Variants in RANBP2 observed in about 807,000 individuals in gnomAD.
RANBP2 encodes RAN binding protein 2.
RANBP2 carries 57 observed loss-of-function variants against 303.6 expected under a neutral mutation model. The observed-to-expected ratio is 0.19, with a 90% confidence interval of 0.15 to 0.23. The LOEUF (loss-of-function observed/expected upper bound fraction) is 0.23. Among genes scored for constraint, RANBP2 ranks in the 10% least tolerant of loss-of-function variants. The pLI is 1.00. For synonymous variants in RANBP2, 1,167 were observed against 1,301.5 expected (o/e 0.90, Z 2.23); for missense variants, 3,138 against 3,780.8 (o/e 0.83, Z 4.46).
At chr2:108,958,294 G>A in the RANBP2 span, among the ~76,000 whole-genome samples, 2 of 152,122 alleles carry the variant, frequency 1.3e-5, no homozygotes, top group Non-Finnish European at 2.9e-5. Flanking sequence ...CAAATCAACC[G>A]CAGACTGGCT....
chr2:109,047,071 C>T, the RANBP2 span, among the ~76,000 whole-genome samples: 1 of 142,832 alleles, frequency 7.0e-6, no homozygotes, highest in Non-Finnish European at 1.6e-5. Flanking sequence ...GGGAAGTCCT[C>T]CCACCGAGAA....
At chr2:108,925,192 T>TCCTGGGCTGGGAGGCCCTCC in the RANBP2 span, among the ~76,000 whole-genome samples, 1 of 152,388 alleles carries the variant, frequency 6.6e-6, no homozygotes, top group African/African-American at 2.4e-5. Flanking sequence ...TTCACGTCTC[T>TCCTGGGCTGGGAGGCCCTCC]ATTCCTTGGA....
chr2:109,068,278 C>A, the RANBP2 span, among the ~76,000 whole-genome samples: 148,117 of 152,336 alleles, frequency 0.97, 72,100 homozygotes, highest in Non-Finnish European at 1. Context: ...TGGAGTGATC[C>A]TAACTGGGGG....
chr2:109,629,337 A>G, the RANBP2 span, among the ~76,000 whole-genome samples: 8 of 10,150 alleles, frequency 7.9e-4, no homozygotes, highest in East Asian at 3.0e-3. Context: ...ATATATATAT[A>G]TATATATATA....
In RANBP2 at chr2:108,772,923, G is replaced by A. The variant is rs561203442; in HGVS notation, c.8169G>A (p.Lys2723=). 6 of 1,613,912 alleles carry A rather than the reference G, an allele frequency of 3.7e-6. No individual in the cohort carries two copies. The highest frequency in any genetic ancestry group is 2.7e-5 in the African/African-American group (2 of 74,996). ...VWEKKPTVEE[K]AKADTLKLPP... is the part of the protein sequence containing the mutation. ...AAAAGAAACCAACAGTTGAAGAGAA[G>A]GCAAAAGCAGATACGTTAAAACTTC... Residue 2723 remains lysine, a synonymous_variant, in exon 23 of 29, where the codon AAG becomes AAA. Transcript: ENST00000283195.
the RANBP2 span, among the ~76,000 whole-genome samples, chr2:109,570,997 T>C: frequency 8.5e-5 from 13 of 152,128 alleles, no homozygotes; most frequent in African/African-American, 3.1e-4. Context: ...TGGTGAGAGG[T>C]GACTGGATCA....
At chr2:108,794,568 G>C in the RANBP2 span, 1 of 1,611,452 alleles carries the variant, frequency 6.2e-7, no homozygotes. Flanking sequence ...CGACCTCATC[G>C]AGACCTCGGA....
chr2:109,645,962 T>C, the RANBP2 span, among the ~76,000 whole-genome samples: 1 of 152,154 alleles, frequency 6.6e-6, no homozygotes, highest in Admixed American at 6.5e-5. Context: ...GAAATGCTCA[T>C]GAAAACTTCA....
the RANBP2 span, among the ~76,000 whole-genome samples, chr2:109,107,296 A>T: frequency 6.6e-6 from 1 of 151,576 alleles, no homozygotes; most frequent in Non-Finnish European, 1.5e-5. Context: ...ACGGAAGAGT[A>T]TGACCCACAC....
chr2:109,565,934 G>A, the RANBP2 span: 19 of 1,270,752 alleles, frequency 1.5e-5, 1 homozygote, highest in South Asian at 2.0e-4. Context: ...TTATGTGAGA[G>A]AGAAGAGAAT....
chr2:109,389,006 C>A, the RANBP2 span, among the ~76,000 whole-genome samples: 1 of 152,156 alleles, frequency 6.6e-6, no homozygotes, highest in Non-Finnish European at 1.5e-5. Flanking sequence ...GCCCAATGCA[C>A]CATCCCTCCA....
the RANBP2 span, among the ~76,000 whole-genome samples, chr2:109,652,371 C>G: frequency 1.3e-5 from 2 of 151,526 alleles, no homozygotes; most frequent in Non-Finnish European, 3.0e-5. Flanking sequence ...TACAGGCACC[C>G]GCCACCACGC....
At chr2:108,946,097 T>C in the RANBP2 span, among the ~76,000 whole-genome samples, 1,417 of 152,292 alleles carry the variant, frequency 9.3e-3, 22 homozygotes, top group African/African-American at 0.032. Flanking sequence ...TTCTGGTGAC[T>C]CCAAGGACAC....
At chr2:109,491,912 C>T in the RANBP2 span, among the ~76,000 whole-genome samples, 6 of 152,342 alleles carry the variant, frequency 3.9e-5, no homozygotes, top group East Asian at 3.9e-4. Context: ...CCCTCCCAGA[C>T]GCCATTCCCA....
chr2:109,249,817 C>T, the RANBP2 span, among the ~76,000 whole-genome samples: 8,979 of 151,244 alleles, frequency 0.059, 782 homozygotes, highest in African/African-American at 0.2. Context: ...CCACCGCGCC[C>T]GGCTAATTTT....
At chr2:109,520,070 G>A in the RANBP2 span, among the ~76,000 whole-genome samples, 4 of 152,294 alleles carry the variant, frequency 2.6e-5, no homozygotes, top group South Asian at 8.3e-4. Context: ...TCTGAGCAAG[G>A]CCAATGGATC....
chr2:109,578,924 CG>C, the RANBP2 span, among the ~76,000 whole-genome samples: 2 of 151,696 alleles, frequency 1.3e-5, no homozygotes, highest in Admixed American at 1.3e-4. Flanking sequence ...AAAGTACAGA[CG>C]TAAGAGCAGA....
chr2:109,609,125 G>A, the RANBP2 span, among the ~76,000 whole-genome samples: 1 of 152,218 alleles, frequency 6.6e-6, no homozygotes, highest in East Asian at 1.9e-4. Context: ...TATCTGAAAA[G>A]TATGACACTA....
the RANBP2 span, chr2:108,812,835 A>G: frequency 1.2e-6 from 2 of 1,613,152 alleles, no homozygotes; most frequent in Admixed American, 1.7e-5. Context: ...GTACGAGTTT[A>G]TGACAATACA....
Sources: allele counts gnomAD v4.1 joint callset (sites outside exome capture counted in the v4.1 genomes callset), GRCh38; gene constraint gnomAD v4.1.1; transcripts MANE v1.5; gene names NCBI Gene and HGNC (gene_info 2026-07-23, HGNC 2026-07-21).